Variants in MYH15 observed in about 807,000 individuals in gnomAD.
MYH15 encodes the protein myosin heavy chain 15, also known as myosin-15.
A neutral mutation model predicts 240.5 loss-of-function variants in MYH15; 227 were observed. The observed-to-expected ratio is 0.94, with a 90% CI of 0.85 to 1.05. MYH15 has a LOEUF of 1.05. Ranked by LOEUF, MYH15 falls within the 50% of genes least tolerant of loss-of-function variation. The pLI is 0.00. For missense variants in MYH15, 2,217 were observed against 2,247.5 expected, an observed-to-expected ratio of 0.99 and a Z score of 0.27; for synonymous variants, 785 against 796.7, an observed-to-expected ratio of 0.99 and a Z score of 0.25.
chr3:108,383,751 AAAAG>A (rs746747679), intron 39 of MYH15, 22 bp from the exon 40 acceptor site: 1 of 1,534,668 alleles, frequency 6.5e-7, no homozygotes, highest in South Asian at 1.3e-5. Context: ...AAAAAAAAAA[AAAAG>A]AAATCTCCAT....
intron 33 of MYH15, among the ~76,000 whole-genome samples, chr3:108,404,402 G>A (rs2082530880): frequency 6.6e-6 from 1 of 152,048 alleles, no homozygotes; most frequent in Admixed American, 6.6e-5. Flanking sequence ...GATTTTTCTT[G>A]CTGACATATG....
chr3:108,423,131 C>T (rs963435169), intron 27 of MYH15, among the ~76,000 whole-genome samples: 4 of 152,126 alleles, frequency 2.6e-5, no homozygotes, highest in Non-Finnish European at 5.9e-5. Flanking sequence ...GAGCGCTTGC[C>T]GCCCGCAGCT....
At chr3:108,438,592 G>T (rs2082860520) in intron 24 of MYH15, among the ~76,000 whole-genome samples, 2 of 152,130 alleles carry the variant, frequency 1.3e-5, no homozygotes, top group South Asian at 4.1e-4. Flanking sequence ...AGGTCATGAA[G>T]GTAGAGCCCC....
chr3:108,434,193 T>TG (rs2082809783), intron 25 of MYH15, among the ~76,000 whole-genome samples: 1 of 148,634 alleles, frequency 6.7e-6, no homozygotes, highest in Admixed American at 6.7e-5. Flanking sequence ...GAGAATGGTT[T>TG]TTTTTTTTTT....
chr3:108,407,541 G>A (rs1373767430), intron 32 of MYH15, among the ~76,000 whole-genome samples: 1 of 152,112 alleles, frequency 6.6e-6, no homozygotes, highest in Non-Finnish European at 1.5e-5. Flanking sequence ...CCTTTCAATT[G>A]CTAATGCACA....
chr3:108,448,598 T>C (rs985344137), intron 21 of MYH15, among the ~76,000 whole-genome samples: 1 of 151,998 alleles, frequency 6.6e-6, no homozygotes, highest in Non-Finnish European at 1.5e-5. Context: ...CATTCATCCA[T>C]CATAAAAATT....
chr3:108,534,653 G>A, the MYH15 span, among the ~76,000 whole-genome samples: 1 of 151,472 alleles, frequency 6.6e-6, no homozygotes, highest in Non-Finnish European at 1.5e-5. Flanking sequence ...AGCACTTGAG[G>A]CCAGGAGTTC....
chr3:108,455,990 G>T, intron 19 of MYH15, 131 bp from the exon 20 acceptor site: 3 of 878,030 alleles, frequency 3.4e-6, no homozygotes, highest in Non-Finnish European at 5.2e-6. Flanking sequence ...ATTTTCACAA[G>T]ATTCTTAGTA....
chr3:108,443,774 C>A (rs2082903364), intron 22 of MYH15, among the ~76,000 whole-genome samples: 1 of 151,662 alleles, frequency 6.6e-6, no homozygotes, highest in African/African-American at 2.4e-5. Context: ...TTAATCTGGA[C>A]TGGATATCAG....
Position 108,394,084 on chromosome 3 carries a change from C to A in MYH15, c.5206G>T (p.Val1736Leu). The change falls in exon 36 of 41, where the codon GTG becomes TTG. Residue 1736 changes from valine (V) to leucine (L), a missense_variant. Val to Leu is a conservative substitution (Grantham distance 32, BLOSUM62 1). Coordinates refer to ENST00000693548, the MANE Select transcript of MYH15 (RefSeq NM_014981.3). Reference sequence around the variant, plus strand: ...TCTGCATTTTGACACTCCTGCACCACCTCTTCAGCTTCTTTCTGCATCCGG... The same window carrying A: ...TCTGCATTTTGACACTCCTGCACCAACTCTTCAGCTTCTTTCTGCATCCGG... The part of the protein sequence containing the change: ...VARMQKEAEE[V>L]VQECQNAEEK... 1 of 1,614,146 alleles carries A rather than the reference C, an allele frequency of 6.2e-7. No individual in the cohort carries two copies. The highest frequency in any genetic ancestry group is 8.5e-7 in the Non-Finnish European group (1 of 1,180,000).
intron 33 of MYH15, among the ~76,000 whole-genome samples, chr3:108,403,032 AC>A (rs1174824403): frequency 6.6e-6 from 1 of 152,198 alleles, no homozygotes; most frequent in Non-Finnish European, 1.5e-5. Context: ...TAAATGGAAT[AC>A]CCTATCATCC....
intron 11 of MYH15, 36 bp downstream of exon 11, chr3:108,485,055 T>C (rs1469889696): frequency 6.2e-7 from 1 of 1,607,572 alleles, no homozygotes; most frequent in Non-Finnish European, 8.5e-7. Context: ...GCCCAGAGAT[T>C]TGAAGTATAT....
At chr3:108,485,293 C>G in intron 10 of MYH15, 64 bp from the exon 11 acceptor site, 1 of 1,584,904 alleles carries the variant, frequency 6.3e-7, no homozygotes. Context: ...AGCACCTCAC[C>G]CCCGCTGTGT....
intron 2 of MYH15, 72 bp from the exon 3 acceptor site, chr3:108,501,927 A>C: frequency 6.6e-7 from 1 of 1,509,210 alleles, no homozygotes; most frequent in Non-Finnish European, 9.1e-7. Context: ...ATGAATTAGA[A>C]AGAATATTCA....
At chr3:108,461,535 A>C (rs79740785) in intron 16 of MYH15, among the ~76,000 whole-genome samples, 1 of 152,188 alleles carries the variant, frequency 6.6e-6, no homozygotes. Context: ...CAAAGAACAC[A>C]GTACACAACC....
upstream of MYH15, among the ~76,000 whole-genome samples, chr3:108,511,895 AG>A (rs1423850428): frequency 9.9e-5 from 15 of 152,194 alleles, no homozygotes; most frequent in Non-Finnish European, 1.5e-4. Flanking sequence ...TCTAGTTTAA[AG>A]GAGTATGATT....
rs994857118 is a variant in MYH15, at chr3:108,463,355, T to C, written c.1732-112A>G. 9 of 1,194,438 alleles carry C rather than the reference T, an allele frequency of 7.5e-6. No homozygotes were observed. The African/African-American group carries it at 7.7e-5, about 10-fold the overall frequency. 74.0% of individuals were successfully genotyped at this position (1,194,438 alleles called of 1,614,324 possible). A position where few individuals can be genotyped will look rare whatever the true frequency, so the allele number is the denominator to read the frequency against. On this transcript the variant is annotated intron_variant, in intron 15 of 40. Transcript: ENST00000693548. ...TTTGAGACAGGGTCTCATTCTGTTA[T>C]CCAGGCTAGAATGCAGTGGCATAGT...
Position 108,463,766 on chromosome 3 carries a change from T to C in MYH15, c.1732-523A>G, listed in dbSNP as rs111916435. Among the ~76,000 whole-genome samples the C allele has an allele frequency of 7.2e-3, 1,091 of 151,920 alleles. 11 individuals are homozygous for C. The highest frequency in any genetic ancestry group is 0.023 in the African/African-American group (953 of 41,376). ...ATTCTCAAGATTCTTATCATTAACA[T>C]TGTCAAAAGAAAGGAACAGACAGGA... On this transcript the variant is annotated intron_variant, in intron 15 of 40. Coordinates refer to ENST00000693548, the MANE Select transcript of MYH15 (RefSeq NM_014981.3).
intron 21 of MYH15, among the ~76,000 whole-genome samples, chr3:108,445,113 T>C (rs2107571787): frequency 6.6e-6 from 1 of 152,310 alleles, no homozygotes; most frequent in African/African-American, 2.4e-5. Context: ...ATCCTAAAAA[T>C]GTTCCTACCA....
Sources: gnomAD v4.1 joint callset for allele counts (sites outside exome capture counted in the v4.1 genomes callset) on GRCh38, gnomAD v4.1.1 for gene constraint, MANE v1.5 for transcripts, NCBI Gene and HGNC (gene_info 2026-07-23, HGNC 2026-07-21) for gene names.